Variants in ADAMTS2 observed in about 807,000 individuals in gnomAD.
ADAMTS2 encodes the protein A disintegrin and metalloproteinase with thrombospondin motifs 2.
A neutral mutation model predicts 123.0 loss-of-function variants in ADAMTS2; 50 were observed. The observed-to-expected ratio is 0.41, with a 90% CI of 0.32 to 0.51. The LOEUF (loss-of-function observed/expected upper bound fraction) is 0.51. Ranked by LOEUF, ADAMTS2 falls within the 20% of genes least tolerant of loss-of-function variation. ADAMTS2 has a pLI of 0.35. For missense variants in ADAMTS2, 1,494 were observed against 1,705.2 expected (o/e 0.88, Z 2.18); for synonymous variants, 678 against 695.4 (o/e 0.98, Z 0.39).
intron 3 of ADAMTS2, among the ~76,000 whole-genome samples, chr5:179,255,479 G>A (rs950400459): frequency 6.6e-6 from 1 of 152,178 alleles, no homozygotes; most frequent in Non-Finnish European, 1.5e-5. Flanking sequence ...TAGGGCTGCC[G>A]ATGTGGCCTT....
At position 179,189,510 on chromosome 5, in the gene ADAMTS2, GTTTTTTTT is replaced by G. The variant is rs146295427; in HGVS notation, c.892-8363_892-8356del. ...CTACAGGCGCCCGCCAGTGCGCCTG[GTTTTTTTT>G]TTTTTTTTTTTTTTTTTTTTAGTAG... On this transcript the variant is annotated intron_variant, in intron 4 of 21. Transcript: ENST00000251582. This position sits in a 1 kb window ranked among gnomAD's most constrained non-coding sequence, Gnocchi z 4.2. Among the ~76,000 whole-genome samples, 5 of 78,954 alleles carry G rather than the reference GTTTTTTTT, an allele frequency of 6.3e-5. No individual in the cohort carries two copies. The highest frequency in any genetic ancestry group is 1.8e-4 in the African/African-American group (4 of 22,396). 51.8% of individuals were successfully genotyped at this position (78,954 alleles called of 152,430 possible). A position where few individuals can be genotyped will look rare whatever the true frequency, so the allele number is the denominator to read the frequency against.
chr5:179,192,434 A>G (rs969598037), intron 4 of ADAMTS2, among the ~76,000 whole-genome samples: 1 of 152,208 alleles, frequency 6.6e-6, no homozygotes, highest in African/African-American at 2.4e-5. Flanking sequence ...AGCAGGTCAC[A>G]ATCCCCCTGC....
chr5:179,123,170 G>A (rs765058976), intron 19 of ADAMTS2, among the ~76,000 whole-genome samples: 7 of 152,222 alleles, frequency 4.6e-5, no homozygotes, highest in Non-Finnish European at 1.0e-4. Context: ...GGAGGCGCCA[G>A]TAGGCTCCCC....
intron 2 of ADAMTS2, among the ~76,000 whole-genome samples, chr5:179,290,779 T>C (rs1039928115): frequency 6.6e-6 from 1 of 152,178 alleles, no homozygotes; most frequent in African/African-American, 2.4e-5. Context: ...ATCCCCAGTG[T>C]CCAGGGAGCA....
At chr5:179,221,179 C>T (rs1765116156) in intron 3 of ADAMTS2, among the ~76,000 whole-genome samples, 1 of 152,194 alleles carries the variant, frequency 6.6e-6, no homozygotes, top group South Asian at 2.1e-4. Flanking sequence ...CCAGGGACTT[C>T]ACACACCTCC....
chr5:179,162,148 G>A lies in ADAMTS2; in HGVS notation c.976-3269C>T, dbSNP rs1366126634. 1.3e-5 allele frequency among the ~76,000 whole-genome samples: 2 copies of A among 152,186 alleles called. No individual in the cohort carries two copies. Among genetic ancestry groups the A allele is most frequent in the African/African-American group, 4.8e-5 (2 of 41,438 alleles). On this transcript the variant is annotated intron_variant, in intron 5 of 21. Coordinates refer to ENST00000251582, the MANE Select transcript of ADAMTS2 (RefSeq NM_014244.5). The surrounding 1 kb of genome is among the most constrained non-coding windows in gnomAD (Gnocchi z 5.1). ...CAGGGTCCTAAGCCCCATGTAGTGG[G>A]ACGGTCCCTTCCGATGCCCTGGTGG...
intron 5 of ADAMTS2, among the ~76,000 whole-genome samples, chr5:179,161,946 C>T (rs903052329): frequency 8.5e-5 from 13 of 152,288 alleles, no homozygotes; most frequent in East Asian, 1.9e-4. Context: ...CACTAATAAG[C>T]GCTTTTGCTA....
chr5:179,330,336 C>T (rs375733982), intron 2 of ADAMTS2, among the ~76,000 whole-genome samples: 8 of 152,048 alleles, frequency 5.3e-5, no homozygotes, highest in East Asian at 3.9e-4. Flanking sequence ...AAGACAGAGA[C>T]GGCCTACATC....
At chr5:179,287,039 G>A (rs1346193129) in intron 2 of ADAMTS2, among the ~76,000 whole-genome samples, 1 of 152,194 alleles carries the variant, frequency 6.6e-6, no homozygotes, top group Non-Finnish European at 1.5e-5. Context: ...AAGGAACTGG[G>A]GGATCTAGGG....
intron 4 of ADAMTS2, among the ~76,000 whole-genome samples, chr5:179,205,219 A>G (rs1281232915): frequency 6.6e-6 from 1 of 152,248 alleles, no homozygotes; most frequent in African/African-American, 2.4e-5. Flanking sequence ...TGCCTCTGCC[A>G]GCCTCATGAA....
At chr5:179,146,016 C>G (rs1763244537) in intron 10 of ADAMTS2, among the ~76,000 whole-genome samples, 1 of 152,150 alleles carries the variant, frequency 6.6e-6, no homozygotes, top group African/African-American at 2.4e-5. Context: ...CAAGGCCCAG[C>G]TAATTTTTTT....
chr5:179,193,328 C>T (rs1764349438), intron 4 of ADAMTS2, among the ~76,000 whole-genome samples: 1 of 152,204 alleles, frequency 6.6e-6, no homozygotes, highest in South Asian at 2.1e-4. Context: ...CGAGTACTTC[C>T]CCGCGTGCGA....
At chr5:179,144,311 A>G (rs1056247116) in intron 10 of ADAMTS2, among the ~76,000 whole-genome samples, 2 of 152,230 alleles carry the variant, frequency 1.3e-5, no homozygotes, top group East Asian at 1.9e-4. Flanking sequence ...AGACATCTCA[A>G]TGTTCATTGA....
At chr5:179,258,645 G>C (rs533256056) in intron 3 of ADAMTS2, among the ~76,000 whole-genome samples, 12 of 152,208 alleles carry the variant, frequency 7.9e-5, no homozygotes, top group Non-Finnish European at 1.3e-4. Context: ...TATGTGTCCA[G>C]AATGATCTGG....
At chr5:179,204,383 A>C (rs1226951026) in intron 4 of ADAMTS2, among the ~76,000 whole-genome samples, 2 of 152,258 alleles carry the variant, frequency 1.3e-5, no homozygotes, top group Non-Finnish European at 2.9e-5. Flanking sequence ...TTTTAAATTA[A>C]AATTCTCTTG....
intron 4 of ADAMTS2, among the ~76,000 whole-genome samples, chr5:179,190,861 C>T (rs9329070): frequency 0.29 from 44,398 of 152,256 alleles, 7,108 homozygotes; most frequent in African/African-American, 0.41. Flanking sequence ...CCATCACCAT[C>T]GGGAGAGGTC....
chr5:179,277,364 ACCCC>A (rs1766735914), intron 2 of ADAMTS2, among the ~76,000 whole-genome samples: 1 of 4,372 alleles, frequency 2.3e-4, no homozygotes, highest in Non-Finnish European at 3.8e-4. Context: ...AAAGGCTGAC[ACCCC>A]CCGAGACCAA....
chr5:179,273,225 C>A (rs1766596164), intron 2 of ADAMTS2, among the ~76,000 whole-genome samples, 161 bp from the exon 3 acceptor site: 1 of 152,174 alleles, frequency 6.6e-6, no homozygotes, highest in Non-Finnish European at 1.5e-5. Flanking sequence ...AGGGTATGAA[C>A]ATGTGGTCCC....
intron 10 of ADAMTS2, among the ~76,000 whole-genome samples, chr5:179,147,461 G>A (rs561154708): frequency 6.6e-6 from 1 of 152,314 alleles, no homozygotes; most frequent in African/African-American, 2.4e-5. Context: ...TGTTGGATCT[G>A]TGTTTAAAGT....
Sources: gnomAD v4.1 joint callset for allele counts (sites outside exome capture counted in the v4.1 genomes callset) on GRCh38, gnomAD v4.1.1 for gene constraint, Gnocchi (gnomAD v3.1) non-coding constraint, MANE v1.5 for transcripts, NCBI Gene and HGNC (gene_info 2026-07-23, HGNC 2026-07-21) for gene names.